The following NAALADL2 variants were observed in gnomAD, a reference collection of about 807,000 sequenced individuals.
The protein encoded by NAALADL2 is inactive N-acetylated-alpha-linked acidic dipeptidase-like protein 2.
NAALADL2 carries 76 observed loss-of-function variants against 87.2 expected under a neutral mutation model. That is an observed-to-expected ratio of 0.87 (90% confidence interval 0.72 to 1.05). The LOEUF is 1.05. Among genes scored for constraint, NAALADL2 ranks in the 50% least tolerant of loss-of-function variants. The probability of loss-of-function intolerance (pLI) is 0.00; values close to 1 mark genes in which losing one functional copy is unlikely to be tolerated. For synonymous variants in NAALADL2, 354 were observed against 331.0 expected (o/e 1.07, Z -0.75); for missense variants, 1,089 against 945.8 (o/e 1.15, Z -1.99).
intron 1 of NAALADL2, among the ~76,000 whole-genome samples, chr3:174,517,087 G>A (rs1229686723): frequency 6.6e-6 from 1 of 151,886 alleles, no homozygotes; most frequent in African/African-American, 2.4e-5. Context: ...TGTTCATATA[G>A]TAAAACGTAT....
chr3:175,430,702 G>A (rs1717603856), intron 5 of NAALADL2, among the ~76,000 whole-genome samples: 1 of 151,974 alleles, frequency 6.6e-6, no homozygotes, highest in Non-Finnish European at 1.5e-5. Context: ...CTAAATATCT[G>A]AGAGTAGCAC....
intron 5 of NAALADL2, among the ~76,000 whole-genome samples, chr3:175,419,931 G>T (rs1453151831): frequency 6.6e-6 from 1 of 151,940 alleles, no homozygotes; most frequent in Non-Finnish European, 1.5e-5. Context: ...GACCCAATTA[G>T]ACACAAGGAC....
At chr3:175,290,608 A>T (rs962710155) in intron 4 of NAALADL2, among the ~76,000 whole-genome samples, 2 of 152,222 alleles carry the variant, frequency 1.3e-5, no homozygotes, top group Admixed American at 6.5e-5. Flanking sequence ...TATGAAAATT[A>T]TATCTTAACC....
chr3:175,571,175 A>C (rs368857541), intron 9 of NAALADL2, among the ~76,000 whole-genome samples: 4 of 152,280 alleles, frequency 2.6e-5, no homozygotes, highest in African/African-American at 9.6e-5. Context: ...CATTTACTAT[A>C]AAGTTTTGCC....
chr3:175,596,733 T>G (rs554467734), intron 10 of NAALADL2, among the ~76,000 whole-genome samples: 1 of 152,082 alleles, frequency 6.6e-6, no homozygotes, highest in South Asian at 2.1e-4. Flanking sequence ...AAATTATTTA[T>G]TGGCAGATAT....
At chr3:174,465,711 A>G (rs1358345040) in intron 1 of NAALADL2, among the ~76,000 whole-genome samples, 3 of 152,112 alleles carry the variant, frequency 2.0e-5, no homozygotes, top group Admixed American at 1.3e-4. Flanking sequence ...TTAATCTTCT[A>G]TTTTAGTCAG....
At chr3:174,717,889 G>A (rs1218103629) in intron 2 of NAALADL2, among the ~76,000 whole-genome samples, 1 of 152,124 alleles carries the variant, frequency 6.6e-6, no homozygotes, top group African/African-American at 2.4e-5. Flanking sequence ...GCTTTGGGAG[G>A]CTGAGGCGGG....
intron 5 of NAALADL2, among the ~76,000 whole-genome samples, chr3:175,350,393 A>G (rs1051980286): frequency 1.3e-5 from 2 of 152,160 alleles, no homozygotes; most frequent in African/African-American, 2.4e-5. Flanking sequence ...GTGTAGGTAG[A>G]GAAAGGTTTT....
chr3:174,915,317 C>CA (rs548606141), intron 1 of NAALADL2, among the ~76,000 whole-genome samples: 332 of 152,270 alleles, frequency 2.2e-3, no homozygotes, highest in Admixed American at 3.7e-3. Context: ...GTTAAATCAT[C>CA]ATGGCTTAGT....
chr3:175,552,119 A>G (rs1450013459), intron 9 of NAALADL2, among the ~76,000 whole-genome samples: 1 of 152,044 alleles, frequency 6.6e-6, no homozygotes, highest in Non-Finnish European at 1.5e-5. Flanking sequence ...CTATGTACAT[A>G]TTGTGTATTA....
chr3:175,644,260 T>C (rs1729679783), intron 11 of NAALADL2, among the ~76,000 whole-genome samples: 2 of 152,200 alleles, frequency 1.3e-5, no homozygotes, highest in Non-Finnish European at 2.9e-5. Context: ...CTTGTTGAAT[T>C]ATATTTTTAT....
chr3:174,833,896 G>C (rs1579122832), intron 3 of NAALADL2, among the ~76,000 whole-genome samples: 1 of 150,650 alleles, frequency 6.6e-6, no homozygotes, highest in East Asian at 2.0e-4. Flanking sequence ...GAAAAAGATT[G>C]TTTTCTCACT....
intron 1 of NAALADL2, among the ~76,000 whole-genome samples, chr3:175,010,530 T>C (rs1026657114): frequency 5.3e-5 from 8 of 152,184 alleles, no homozygotes; most frequent in African/African-American, 1.9e-4. Flanking sequence ...TGTTAAGTGG[T>C]CTATTTTCTC....
intron 11 of NAALADL2, among the ~76,000 whole-genome samples, chr3:175,640,455 T>A (rs967220796): frequency 7.2e-5 from 11 of 152,192 alleles, no homozygotes; most frequent in Admixed American, 7.2e-4. Context: ...TTTATCCTCA[T>A]AATAATCCTA....
intron 4 of NAALADL2, among the ~76,000 whole-genome samples, chr3:175,261,179 C>G (rs925067126): frequency 6.6e-6 from 1 of 152,040 alleles, no homozygotes; most frequent in Admixed American, 6.6e-5. Context: ...AACATTAATT[C>G]GTCACAATGT....
rs186524503 is a variant in NAALADL2, at chr3:175,803,080, C to T, written c.2265C>T (p.Pro755=). The part of the protein sequence containing the change: ...ILIEAWEHCK[P]LASNETLQEA... ...TAGAGGCTTGGGAACACTGCAAACC[C>T]CTTGCATCAAATGAGACCCTTCAAG... The change falls in exon 14 of 14, where the codon CCC becomes CCT. Residue 755 remains proline, a synonymous_variant. Transcript: ENST00000454872. 3 of 1,612,328 alleles carry T rather than the reference C, an allele frequency of 1.9e-6. No individual in the cohort carries two copies. The highest frequency in any genetic ancestry group is 2.2e-5 in the East Asian group (1 of 44,824).
chr3:175,486,921 C>A (rs73045041), intron 9 of NAALADL2, among the ~76,000 whole-genome samples: 13,978 of 152,104 alleles, frequency 0.092, 814 homozygotes, highest in East Asian at 0.25. Flanking sequence ...CACCTTCTCT[C>A]CCTCCACTCT....
At chr3:174,727,199 T>TC (rs1267574149) in intron 2 of NAALADL2, among the ~76,000 whole-genome samples, 3 of 152,020 alleles carry the variant, frequency 2.0e-5, no homozygotes, top group African/African-American at 7.2e-5. Flanking sequence ...TTTTCTTGTT[T>TC]TTTTTTCAAT....
At chr3:174,685,752 C>T (rs980050733) in intron 2 of NAALADL2, among the ~76,000 whole-genome samples, 5 of 151,896 alleles carry the variant, frequency 3.3e-5, no homozygotes, top group Admixed American at 6.6e-5. Context: ...TTTAGTGTAC[C>T]GATTATTTCA....
Sources: gnomAD v4.1 joint callset for allele counts (sites outside exome capture counted in the v4.1 genomes callset) on GRCh38, gnomAD v4.1.1 for gene constraint, MANE v1.5 for transcripts, NCBI Gene and HGNC (gene_info 2026-07-23, HGNC 2026-07-21) for gene names.